The following LARP1B variants were observed in gnomAD, a reference collection of about 807,000 sequenced individuals.
The protein encoded by LARP1B is la-related protein 1B.
A neutral mutation model predicts 114.2 loss-of-function variants in LARP1B; 76 were observed. The ratio of observed to expected loss-of-function variants is 0.67; its 90% CI spans 0.55 to 0.81. The LOEUF (loss-of-function observed/expected upper bound fraction) is 0.81, where lower values mean the gene tolerates loss of function less well. LARP1B is among the 30% of genes least tolerant of loss of function. LARP1B has a pLI of 0.00. For missense variants in LARP1B, 1,014 were observed against 1,075.8 expected (o/e 0.94, Z 0.80); for synonymous variants, 345 against 348.0 (o/e 0.99, Z 0.10).
chr4:128,061,641 G>A (rs1231285851), intron 1 of LARP1B: 1 of 977,702 alleles, frequency 1.0e-6, no homozygotes, highest in Non-Finnish European at 1.2e-6. Context: ...ACGGGCAGTC[G>A]GGTTCCCTGG....
At chr4:128,064,128 C>T (rs749811899) in intron 1 of LARP1B, among the ~76,000 whole-genome samples, 5 of 151,680 alleles carry the variant, frequency 3.3e-5, no homozygotes, top group Non-Finnish European at 7.4e-5. Flanking sequence ...AAAAATTAGC[C>T]GGATATGGTG....
chr4:128,214,188 T>A (rs1266260295), downstream of LARP1B, among the ~76,000 whole-genome samples: 1 of 133,022 alleles, frequency 7.5e-6, no homozygotes, highest in East Asian at 2.1e-4. Flanking sequence ...AGCACAGCAG[T>A]CTGAGATCAA....
intron 11 of LARP1B, among the ~76,000 whole-genome samples, chr4:128,131,803 T>G: frequency 6.6e-6 from 1 of 152,194 alleles, no homozygotes; most frequent in East Asian, 1.9e-4. Context: ...AATAAGCACT[T>G]GAAAAGTTGC....
At chr4:128,139,070 A>T (rs1726746732) in intron 11 of LARP1B, among the ~76,000 whole-genome samples, 1 of 152,244 alleles carries the variant, frequency 6.6e-6, no homozygotes, top group Non-Finnish European at 1.5e-5. Flanking sequence ...TTAATTGTAC[A>T]TAAGAAAAGT....
intron 12 of LARP1B, among the ~76,000 whole-genome samples, chr4:128,173,915 G>A (rs148524670): frequency 2.2e-4 from 33 of 152,266 alleles, no homozygotes; most frequent in African/African-American, 7.9e-4. Context: ...CACATTTGCA[G>A]TCAATGCCAA....
intron 10 of LARP1B, among the ~76,000 whole-genome samples, chr4:128,118,048 T>C (rs1040375116): frequency 4.1e-5 from 6 of 147,836 alleles, no homozygotes; most frequent in African/African-American, 1.5e-4. Context: ...CCCAAGTAGC[T>C]GGGACTACAG....
intron 11 of LARP1B, chr4:128,155,552 A>C: frequency 2.5e-6 from 2 of 805,186 alleles, no homozygotes; most frequent in South Asian, 1.3e-5. Flanking sequence ...TGGATGGTAC[A>C]GCTTCATTTT....
chr4:128,117,822 G>T (rs368259929), intron 10 of LARP1B, among the ~76,000 whole-genome samples: 1 of 151,726 alleles, frequency 6.6e-6, no homozygotes, highest in Non-Finnish European at 1.5e-5. Context: ...ACCTGGCCTT[G>T]CTTGAGATTT....
chr4:128,116,397 A>T (rs1228173456), intron 10 of LARP1B, among the ~76,000 whole-genome samples: 1 of 152,208 alleles, frequency 6.6e-6, no homozygotes, highest in African/African-American at 2.4e-5. Flanking sequence ...CTGTATCTGA[A>T]TGTATAATTA....
At chr4:128,075,129 G>T (rs1188001527) in intron 3 of LARP1B, 136 bp downstream of exon 3, 1 of 632,970 alleles carries the variant, frequency 1.6e-6, no homozygotes, top group East Asian at 2.8e-5. Flanking sequence ...TTGAGACAGG[G>T]TCTTGCTCTG....
chr4:128,065,305 CTT>C lies in LARP1B; in HGVS notation c.-78+3906_-78+3907del, dbSNP rs1363452190. Among the ~76,000 whole-genome samples the C allele has an allele frequency of 9.6e-3, 1,136 of 118,058 alleles. 18 individuals are homozygous for C. The highest frequency in any genetic ancestry group is 0.028 in the East Asian group (128 of 4,546). 77.5% of individuals were successfully genotyped at this position (118,058 alleles called of 152,430 possible). ...TCTTTCTTTCTTTCTTTCTTTCTTT[CTT>C]TCTTTCTTTCTCTCTCTCTCTCTCT... On this transcript the variant is annotated intron_variant, in intron 1 of 19. Coordinates refer to ENST00000326639, the MANE Select transcript of LARP1B (RefSeq NM_018078.4).
chr4:128,206,899 C>G (rs927870808), intron 18 of LARP1B: 9 of 899,982 alleles, frequency 1.0e-5, no homozygotes, highest in Non-Finnish European at 1.2e-5. Context: ...CTGGGACAGA[C>G]TGCTAGGTGC....
intron 10 of LARP1B, among the ~76,000 whole-genome samples, 162 bp downstream of exon 10, chr4:128,114,904 G>T (rs1254231216): frequency 2.0e-5 from 3 of 152,108 alleles, no homozygotes; most frequent in Admixed American, 6.6e-5. Context: ...GTTATTCTAT[G>T]AGGAAAATAA....
intron 11 of LARP1B, among the ~76,000 whole-genome samples, chr4:128,150,321 C>CA (rs1732206471): frequency 6.8e-6 from 1 of 147,008 alleles, no homozygotes; most frequent in Non-Finnish European, 1.5e-5. Context: ...GACAGGGTCT[C>CA]ACCCTGTTGT....
chr4:128,173,422 T>A (rs112142419), intron 12 of LARP1B, among the ~76,000 whole-genome samples: 36 of 152,326 alleles, frequency 2.4e-4, no homozygotes, highest in African/African-American at 7.7e-4. Context: ...GAAGTGCCAG[T>A]TCTCATGTAG....
At position 128,211,783 on chromosome 4, in the gene LARP1B, T is replaced by C; in HGVS notation, c.*1730T>C. ...TGAAACCTGTATTTAACCAGATATT[T>C]CTACTCAACTGAATATACAAGTGTA... On this transcript the variant is annotated 3_prime_UTR_variant, in exon 20 of 20. Coordinates refer to ENST00000326639, the MANE Select transcript of LARP1B (RefSeq NM_018078.4). The C allele has an allele frequency of 1.1e-6, 1 of 877,836 alleles. No individual in the cohort carries two copies. The highest frequency in any genetic ancestry group is 1.4e-6 in the Non-Finnish European group (1 of 731,892). The allele number at this position is 877,836 out of a possible 1,614,324, so 54.4% of individuals were successfully genotyped here. A position where few individuals can be genotyped will look rare whatever the true frequency, so the allele number is the denominator to read the frequency against.
chr4:128,078,550 G>C (rs1051475690), intron 4 of LARP1B, among the ~76,000 whole-genome samples: 1 of 151,544 alleles, frequency 6.6e-6, no homozygotes, highest in African/African-American at 2.4e-5. Flanking sequence ...GCAGTGAGCC[G>C]AGGTCGCGCC....
rs1755265295 is a variant in LARP1B at position 128,199,517 on chromosome 4, C to T, written c.2082C>T (p.Phe694=). The change falls in exon 16 of 20, where the codon TTC becomes TTT. Residue 694 remains phenylalanine, a synonymous_variant. Transcript: ENST00000326639. The stretch of plus-strand genomic sequence containing the variant: ...GTACTCCTCATTCATTCCCAAAGTT[C>T]CAGCATCCTTCTCATGAACTTTTGA... ...YGCTPHSFPK[F]QHPSHELLKE... 3 of 1,604,382 alleles carry T rather than the reference C, an allele frequency of 1.9e-6. No homozygotes were observed. Among genetic ancestry groups the T allele is most frequent in the Non-Finnish European group, 8.5e-7 (1 of 1,174,656 alleles).
chr4:128,094,523 T>G (rs117501414), intron 7 of LARP1B, among the ~76,000 whole-genome samples: 2,627 of 150,404 alleles, frequency 0.017, 64 homozygotes, highest in East Asian at 0.11. Context: ...TCTCCTGCCT[T>G]AGCCTCTCGA....
Sources: allele counts gnomAD v4.1 joint callset (sites outside exome capture counted in the v4.1 genomes callset), GRCh38; gene constraint gnomAD v4.1.1; transcripts MANE v1.5; gene names NCBI Gene and HGNC (gene_info 2026-07-23, HGNC 2026-07-21).